The following IGSF10 variants were observed in gnomAD, a reference collection of about 807,000 sequenced individuals.
IGSF10 encodes calvaria mechanical force protein 608.
Under a neutral mutation model 128.2 loss-of-function variants are expected in IGSF10, and 126 were observed. The ratio of observed to expected loss-of-function variants is 0.98; its 90% CI spans 0.85 to 1.14. The LOEUF (loss-of-function observed/expected upper bound fraction) is 1.14, where lower values mean the gene tolerates loss of function less well. IGSF10 is among the 50% of genes most tolerant of loss of function. The probability of loss-of-function intolerance (pLI) is 0.00; values close to 1 mark genes in which losing one functional copy is unlikely to be tolerated. For synonymous variants in IGSF10, 1,185 were observed against 1,146.2 expected (o/e 1.03, Z -0.68); for missense variants, 3,295 against 3,149.8 (o/e 1.05, Z -1.10).
intron 3 of IGSF10, 86 bp downstream of exon 3, chr3:151,458,430 T>C: frequency 1.1e-6 from 1 of 928,096 alleles, no homozygotes; most frequent in Non-Finnish European, 1.5e-6. Flanking sequence ...TTGAGATTCA[T>C]CTCCCAAAGT....
chr3:151,489,636 C>A, the IGSF10 span, among the ~76,000 whole-genome samples: 19 of 152,202 alleles, frequency 1.2e-4, no homozygotes, highest in African/African-American at 4.3e-4. Context: ...GAATACTATG[C>A]AGCCATAAAA....
At chr3:151,528,900 G>A in the IGSF10 span, among the ~76,000 whole-genome samples, 1 of 140,440 alleles carries the variant, frequency 7.1e-6, no homozygotes. Flanking sequence ...GGAGCCAAGT[G>A]GTCTGGCTTG....
At chr3:151,545,970 T>TA in the IGSF10 span, among the ~76,000 whole-genome samples, 1,089 of 152,118 alleles carry the variant, frequency 7.2e-3, 16 homozygotes, top group African/African-American at 0.026. Flanking sequence ...TAGCCTGGTT[T>TA]TTACATTTTT....
chr3:151,440,741 C>G, intron 7 of IGSF10: 1 of 438,694 alleles, frequency 2.3e-6, no homozygotes, highest in Non-Finnish European at 4.6e-6. Flanking sequence ...CAGAATTTGA[C>G]TTAATATGTG....
At chr3:151,590,186 G>A in the IGSF10 span, among the ~76,000 whole-genome samples, 2,469 of 152,010 alleles carry the variant, frequency 0.016, 23 homozygotes, top group South Asian at 0.025. Flanking sequence ...CTACAGACGC[G>A]TGCCACCACA....
At chr3:151,598,070 G>GGTGTGTGT in the IGSF10 span, among the ~76,000 whole-genome samples, 3,849 of 137,710 alleles carry the variant, frequency 0.028, 80 homozygotes, top group East Asian at 0.056. Context: ...AATGAGTACT[G>GGTGTGTGT]GTGTGTGTGT....
the IGSF10 span, among the ~76,000 whole-genome samples, chr3:151,549,829 A>C: frequency 6.6e-6 from 1 of 152,104 alleles, no homozygotes; most frequent in Non-Finnish European, 1.5e-5. Context: ...TTTGTTAACT[A>C]ATCTAGATAT....
At chr3:151,583,823 A>T in the IGSF10 span, among the ~76,000 whole-genome samples, 6 of 152,200 alleles carry the variant, frequency 3.9e-5, no homozygotes. Context: ...CTATAATCAA[A>T]TAATATATTT....
At chr3:151,596,469 A>T in the IGSF10 span, among the ~76,000 whole-genome samples, 1 of 118,638 alleles carries the variant, frequency 8.4e-6, no homozygotes, top group South Asian at 3.1e-4. Flanking sequence ...CAAAGATATT[A>T]TGGTGTTTAT....
the IGSF10 span, among the ~76,000 whole-genome samples, chr3:151,566,472 T>C: frequency 6.6e-6 from 1 of 152,322 alleles, no homozygotes; most frequent in South Asian, 2.1e-4. Flanking sequence ...GGAAGTTGAC[T>C]TCTTGTTCTT....
the IGSF10 span, among the ~76,000 whole-genome samples, chr3:151,569,026 A>C: frequency 2.0e-5 from 3 of 152,206 alleles, no homozygotes; most frequent in Admixed American, 2.0e-4. Flanking sequence ...AACTGCTGCT[A>C]GTCTGCCACC....
rs147782448 is a variant in IGSF10 at position 151,453,746 on chromosome 3, C to G, written c.353G>C (p.Arg118Pro). The change falls in exon 5 of 8, where the codon CGA (arginine) becomes CCA (proline). Residue 118 changes from arginine (R) to proline (P), a missense_variant. Coordinates refer to ENST00000282466, the MANE Select transcript of IGSF10 (RefSeq NM_178822.5). ...ATAAAAAGTATCTTTCTGAAGTTTT[C>G]GGACTTTATTATAGCTCATTTTTAA... ...QVLKMSYNKVRKLQKDTFYGL... is the reference protein window; with the variant it reads ...QVLKMSYNKVPKLQKDTFYGL... 6.3e-7 allele frequency: 1 copy of G among 1,575,376 alleles called. No homozygotes were observed. The highest frequency in any genetic ancestry group is 1.4e-5 in the African/African-American group (1 of 73,084).
At chr3:151,494,695 T>C in the IGSF10 span, among the ~76,000 whole-genome samples, 1 of 152,130 alleles carries the variant, frequency 6.6e-6, no homozygotes, top group African/African-American at 2.4e-5. Flanking sequence ...AAGTTTACCT[T>C]TTATTCATAG....
chr3:151,563,082 T>A, the IGSF10 span, among the ~76,000 whole-genome samples: 1 of 150,654 alleles, frequency 6.6e-6, no homozygotes. Flanking sequence ...CACTCCCGGA[T>A]TCCTTAGCTC....
In IGSF10 at chr3:151,448,387, T is replaced by C. The variant is rs1721332122; in HGVS notation, c.1594A>G (p.Lys532Glu). 1.2e-6 allele frequency: 2 copies of C among 1,614,130 alleles called. No individual in the cohort carries two copies. Among genetic ancestry groups the C allele is most frequent in the Non-Finnish European group, 1.7e-6 (2 of 1,180,054 alleles). ...VSEDGRILID[K>E]SGKLELQMAD... The stretch of plus-strand genomic sequence containing the variant: ...ATCTGGAGTTCCAATTTTCCACTTT[T>C]GTCTATTAGGATCCGTCCATCCTCA... The change falls in exon 6 of 8, where the codon AAA becomes GAA. Residue 532 changes from lysine to glutamate, a missense_variant. Lys to Glu is a moderately conservative substitution (Grantham distance 56). Transcript: ENST00000282466.
the IGSF10 span, among the ~76,000 whole-genome samples, chr3:151,509,917 G>A: frequency 2.0e-5 from 3 of 152,200 alleles, no homozygotes; most frequent in Non-Finnish European, 4.4e-5. Context: ...AGGTGGCAGG[G>A]AGGCTGGGGG....
chr3:151,543,890 G>C, the IGSF10 span, among the ~76,000 whole-genome samples: 1 of 152,076 alleles, frequency 6.6e-6, no homozygotes, highest in Non-Finnish European at 1.5e-5. Context: ...CTACCCCTAA[G>C]TGCTCAAACA....
At chr3:151,565,139 G>A in the IGSF10 span, among the ~76,000 whole-genome samples, 1 of 152,180 alleles carries the variant, frequency 6.6e-6, no homozygotes, top group Admixed American at 6.6e-5. Flanking sequence ...TACTGGCAGA[G>A]AATGGGATTT....
At chr3:151,616,801 G>T in the IGSF10 span, among the ~76,000 whole-genome samples, 1 of 152,124 alleles carries the variant, frequency 6.6e-6, no homozygotes, top group African/African-American at 2.4e-5. Flanking sequence ...TCTGTTTTCT[G>T]TTGCTATAAC....
Sources: gnomAD v4.1 joint callset for allele counts (sites outside exome capture counted in the v4.1 genomes callset) on GRCh38, gnomAD v4.1.1 for gene constraint, MANE v1.5 for transcripts, NCBI Gene and HGNC (gene_info 2026-07-23, HGNC 2026-07-21) for gene names.